The following MTMR8 variants were observed in gnomAD, a reference collection of about 807,000 sequenced individuals.
MTMR8 encodes phosphatidylinositol-3,5-bisphosphate 3-phosphatase MTMR8.
Under a neutral mutation model 39.3 loss-of-function variants are expected in MTMR8, and 65 were observed. That is an observed-to-expected ratio of 1.65 (90% CI 1.35 to 2.03). The LOEUF (loss-of-function observed/expected upper bound fraction) is 2.03, where lower values mean the gene tolerates loss of function less well. Among genes scored for constraint, MTMR8 ranks in the 30% most tolerant of loss-of-function variants. The pLI is 0.00. For missense variants in MTMR8, 777 were observed against 538.9 expected (o/e 1.44, Z -4.37); for synonymous variants, 245 against 185.2 (o/e 1.32, Z -2.62).
intron 6 of MTMR8, among the ~76,000 whole-genome samples, chrX:64,348,444 C>A (rs1042583054): frequency 3.6e-5 from 4 of 111,601 alleles, no homozygotes; most frequent in African/African-American, 1.3e-4. Flanking sequence ...GTGGGAAAGA[C>A]AGGTTGCTTG....
intron 12 of MTMR8, among the ~76,000 whole-genome samples, chrX:64,318,993 T>C (rs1351231119): frequency 8.9e-6 from 1 of 111,985 alleles, no homozygotes; most frequent in Non-Finnish European, 1.9e-5. Flanking sequence ...AATCTGGTTT[T>C]TATATCTTAA....
chrX:64,362,942 C>A (rs886361114), intron 1 of MTMR8, among the ~76,000 whole-genome samples: 8 of 110,884 alleles, frequency 7.2e-5, no homozygotes, highest in Non-Finnish European at 1.5e-4. Context: ...AGGCAAGTTG[C>A]ATAAGAGGCA....
At chrX:64,283,848 G>A (rs1281709547) in intron 12 of MTMR8, among the ~76,000 whole-genome samples, 1 of 111,736 alleles carries the variant, frequency 8.9e-6, no homozygotes, top group African/African-American at 3.3e-5. Context: ...AAAGACCAAA[G>A]GTAGATAAAA....
intron 12 of MTMR8, among the ~76,000 whole-genome samples, chrX:64,288,700 G>A (rs1049179309): frequency 9.0e-6 from 1 of 111,509 alleles, no homozygotes; most frequent in Non-Finnish European, 1.9e-5. Context: ...AAAAAATGAT[G>A]AGTTCATGTC....
chrX:64,310,446 C>T (rs979933218), intron 12 of MTMR8, among the ~76,000 whole-genome samples: 2 of 111,544 alleles, frequency 1.8e-5, no homozygotes, highest in African/African-American at 6.5e-5. Context: ...CAACTCTTTC[C>T]AAACTTCTGT....
intron 1 of MTMR8, among the ~76,000 whole-genome samples, chrX:64,380,731 C>T (rs1023237301): frequency 1.8e-5 from 2 of 111,535 alleles, no homozygotes. Context: ...TCTCCTAATG[C>T]TATCCCTCCC....
chrX:64,360,059 C>A (rs1332584529), intron 1 of MTMR8, among the ~76,000 whole-genome samples: 1 of 109,262 alleles, frequency 9.2e-6, no homozygotes, highest in Non-Finnish European at 1.9e-5. Flanking sequence ...TTAAACTTAC[C>A]AATTAAAAGA....
At chrX:64,326,991 T>A (rs947590245) in intron 12 of MTMR8, among the ~76,000 whole-genome samples, 2 of 110,654 alleles carry the variant, frequency 1.8e-5, no homozygotes, top group African/African-American at 6.6e-5. Flanking sequence ...TGCAGAAGAA[T>A]GGAACTAGGT....
chrX:64,367,999 A>G lies in MTMR8; in HGVS notation c.25-8472T>C, dbSNP rs763029955. 5.4e-5 allele frequency among the ~76,000 whole-genome samples: 6 copies of G among 112,007 alleles called. No homozygotes were observed. In the South Asian group the frequency reaches 2.2e-3, roughly 42 times the overall value. ...AGAGCCAAATCATGAGTGAACTCAC[A>G]TTCATAAATGCTACAAAGAGAATAA... On this transcript the variant is annotated intron_variant, in intron 1 of 13. Transcript: ENST00000374852.
At chrX:64,344,372 G>A (rs762911585) in intron 7 of MTMR8, among the ~76,000 whole-genome samples, 3 of 111,319 alleles carry the variant, frequency 2.7e-5, no homozygotes, top group African/African-American at 6.5e-5. Context: ...GGCAGACTAC[G>A]CAAGTACAAA....
intron 4 of MTMR8, among the ~76,000 whole-genome samples, chrX:64,353,671 G>A (rs1192981212): frequency 8.9e-6 from 1 of 111,802 alleles, no homozygotes; most frequent in African/African-American, 3.2e-5. Flanking sequence ...CTATTGGCCA[G>A]GGGTGGTGGT....
chrX:64,367,287 C>A (rs1490157056), intron 1 of MTMR8, among the ~76,000 whole-genome samples: 1 of 111,672 alleles, frequency 9.0e-6, no homozygotes, highest in African/African-American at 3.3e-5. Flanking sequence ...GATAACAAAG[C>A]CGGGCAGAGA....
At chrX:64,301,164 CAG>C (rs1921858734) in intron 12 of MTMR8, among the ~76,000 whole-genome samples, 1 of 109,994 alleles carries the variant, frequency 9.1e-6, no homozygotes, top group Non-Finnish European at 1.9e-5. Flanking sequence ...TAATATCCTG[CAG>C]AGTGTTTGCC....
chrX:64,394,819 C>T (rs1276638943), intron 1 of MTMR8, among the ~76,000 whole-genome samples: 1 of 112,218 alleles, frequency 8.9e-6, no homozygotes, highest in Non-Finnish European at 1.9e-5. Flanking sequence ...GATGCTGTGG[C>T]CCCCACAAAC....
intron 1 of MTMR8, among the ~76,000 whole-genome samples, chrX:64,367,054 C>G (rs1213909436): frequency 1.8e-5 from 2 of 111,650 alleles, no homozygotes; most frequent in African/African-American, 3.3e-5. Flanking sequence ...CAAGACTAAA[C>G]TAGGAAGAAG....
chrX:64,368,246 GA>G (rs765240900), intron 1 of MTMR8, among the ~76,000 whole-genome samples: 1,575 of 110,225 alleles, frequency 0.014, 36 homozygotes, highest in African/African-American at 0.048. Flanking sequence ...CACAGAATTG[GA>G]AAAAAAACTA....
intron 1 of MTMR8, among the ~76,000 whole-genome samples, chrX:64,364,860 T>C (rs1193462709): frequency 1.8e-5 from 2 of 110,853 alleles, no homozygotes; most frequent in African/African-American, 6.6e-5. Context: ...GCTAAAAACC[T>C]TGAAAAAAGA....
chrX:64,393,021 TA>T (rs1310888069), intron 1 of MTMR8, among the ~76,000 whole-genome samples: 1 of 112,088 alleles, frequency 8.9e-6, no homozygotes, highest in African/African-American at 3.2e-5. Flanking sequence ...CCAAAACAAA[TA>T]CTAATTCTGC....
At chrX:64,324,435 G>C (rs1922733211) in intron 12 of MTMR8, among the ~76,000 whole-genome samples, 1 of 110,702 alleles carries the variant, frequency 9.0e-6, no homozygotes. Context: ...TGTAATCCCA[G>C]CACTTTGGGA....
Sources: gnomAD v4.1 joint callset for allele counts (sites outside exome capture counted in the v4.1 genomes callset) on GRCh38, gnomAD v4.1.1 for gene constraint, MANE v1.5 for transcripts, NCBI Gene and HGNC (gene_info 2026-07-23, HGNC 2026-07-21) for gene names.